DNAH11: variants seen among roughly 807,000 people sequenced by gnomAD.
DNAH11 encodes dynein axonemal heavy chain 11, also known as axonemal beta dynein heavy chain 11.
A neutral mutation model predicts 526.0 loss-of-function variants in DNAH11; 442 were observed. The observed-to-expected ratio is 0.84, with a 90% CI of 0.78 to 0.91. The LOEUF (loss-of-function observed/expected upper bound fraction) is 0.91, where lower values mean the gene tolerates loss of function less well. DNAH11 is among the 40% of genes least tolerant of loss of function. The probability of loss-of-function intolerance (pLI) is 0.00; values close to 1 mark genes in which losing one functional copy is unlikely to be tolerated. For missense variants in DNAH11, 6,989 were observed against 5,448.7 expected, an observed-to-expected ratio of 1.28 and a Z score of -8.90; for synonymous variants, 2,461 against 1,935.9, an observed-to-expected ratio of 1.27 and a Z score of -7.12.
intron 14 of DNAH11, 97 bp from the exon 15 acceptor site, chr7:21,599,690 T>G: frequency 1.1e-6 from 1 of 929,758 alleles, no homozygotes; most frequent in Non-Finnish European, 1.5e-6. Context: ...TGCACAACAA[T>G]GCAGTCTCTT....
intron 65 of DNAH11, among the ~76,000 whole-genome samples, chr7:21,831,021 C>T (rs573242601): frequency 1.5e-4 from 23 of 152,186 alleles, no homozygotes; most frequent in Non-Finnish European, 3.1e-4. Context: ...CAGCCCCGTG[C>T]CAGATTTGGA....
chr7:21,723,825 G>A (rs1784974848), intron 44 of DNAH11, among the ~76,000 whole-genome samples: 1 of 146,304 alleles, frequency 6.8e-6, no homozygotes, highest in Admixed American at 7.2e-5. Flanking sequence ...TGTACATGCT[G>A]GACTCTTCCT....
rs1785919163 is a variant in DNAH11 at position 21,741,957 on chromosome 7, C to T, written c.7945C>T (p.Pro2649Ser). The change falls in exon 49 of 82, where the codon CCA (proline) becomes TCA (serine). Residue 2649 changes from proline to serine, a missense_variant. Pro to Ser is a moderately conservative substitution (Grantham distance 74). Transcript: ENST00000409508. ...RHFTVFAFNF[P>S]SLDALNTIYG... ...TTTCACAGTGTTTGCATTCAATTTT[C>T]CATCTTTGGATGCACTAAACACCAT... 8 of 1,613,806 alleles carry T rather than the reference C, an allele frequency of 5.0e-6. No homozygotes were observed. Among genetic ancestry groups the T allele is most frequent in the Non-Finnish European group, 6.8e-6 (8 of 1,179,794 alleles).
intron 63 of DNAH11, among the ~76,000 whole-genome samples, chr7:21,811,170 T>C (rs1562560527): frequency 6.6e-6 from 1 of 152,098 alleles, no homozygotes; most frequent in Non-Finnish European, 1.5e-5. Context: ...TAACTGAAAT[T>C]AGCCAGTCAC....
At chr7:21,744,383 T>C in intron 49 of DNAH11, 55 bp from the exon 50 acceptor site, 1 of 1,573,006 alleles carries the variant, frequency 6.4e-7, no homozygotes, top group South Asian at 1.2e-5. Flanking sequence ...TTAAACTCAT[T>C]TGACATGTCA....
Position 21,548,363 on chromosome 7 carries a change from A to G in DNAH11, c.495+3214A>G, listed in dbSNP as rs6964412. Among the ~76,000 whole-genome samples the G allele has an allele frequency of 7.2e-3, 1,102 of 152,308 alleles. 16 individuals carry two copies. The highest frequency in any genetic ancestry group is 0.024 in the African/African-American group (1,018 of 41,554). On this transcript the variant is annotated intron_variant, in intron 2 of 81. Transcript: ENST00000409508. ...AACTGATGAATTTTTGTTGAATATA[A>G]TAGATATAGTTAATTTAATCCATGT... is the stretch of plus-strand genomic sequence containing the variant.
intron 45 of DNAH11, among the ~76,000 whole-genome samples, chr7:21,730,793 G>T (rs1785345657): frequency 6.6e-6 from 1 of 152,104 alleles, no homozygotes; most frequent in South Asian, 2.1e-4. Context: ...ATAACAATGT[G>T]TAGTATTTTT....
Position 21,816,583 on chromosome 7 carries a change from C to T in DNAH11, c.10449C>T (p.Ala3483=), listed in dbSNP as rs117000348. The T allele has an allele frequency of 5.2e-4, 832 of 1,613,486 alleles. 9 individuals carry two copies. In the East Asian group the frequency reaches 0.016, roughly 32 times the overall value. Residue 3483 remains alanine (A), a synonymous_variant, in exon 64 of 82, where the codon GCC becomes GCT. Transcript: ENST00000409508. ...LPSDRMSTEN[A]AILTHCERWP... ...GTGACAGAATGTCCACCGAAAATGC[C>T]GCTATCCTAACACACTGTGAGCGCT...
At chr7:21,834,042 G>T (rs1199062033) in intron 65 of DNAH11, among the ~76,000 whole-genome samples, 1 of 152,112 alleles carries the variant, frequency 6.6e-6, no homozygotes, top group Admixed American at 6.5e-5. Flanking sequence ...CAATAGCGCA[G>T]AATATATATT....
intron 31 of DNAH11, among the ~76,000 whole-genome samples, chr7:21,683,536 G>A (rs1454255542): frequency 6.6e-6 from 1 of 152,112 alleles, no homozygotes; most frequent in African/African-American, 2.4e-5. Flanking sequence ...CATAAAAGAG[G>A]AAAAAGCATT....
chr7:21,605,851 A>T (rs1785260147), intron 18 of DNAH11, among the ~76,000 whole-genome samples: 1 of 152,166 alleles, frequency 6.6e-6, no homozygotes, highest in South Asian at 2.1e-4. Context: ...TTTTAAAAAG[A>T]TTTCCATGGA....
Position 21,591,402 on chromosome 7 carries a change from AG to A in DNAH11, c.2493del (p.Asn833ThrfsTer2). 6.2e-7 allele frequency: 1 copy of A among 1,613,966 alleles called. No homozygotes were observed. Among genetic ancestry groups the A allele is most frequent in the East Asian group, 2.2e-5 (1 of 44,868 alleles). On this transcript the variant is annotated frameshift_variant, in exon 14 of 82. Transcript: ENST00000409508. LOFTEE classifies it high-confidence loss of function. The part of the protein sequence containing the change: ...SELEHRVERT[Q>X]KNVKVIQQTM... Reference sequence around the variant, plus strand: ...TTGGAGCACAGAGTTGAGCGCACACAGAAAAACGTGAAGGTGATCCAGCAGA... The same window carrying A: ...TTGGAGCACAGAGTTGAGCGCACACAAAAAACGTGAAGGTGATCCAGCAGA...
chr7:21,891,825 A>C (rs939079812), intron 76 of DNAH11, among the ~76,000 whole-genome samples: 5 of 152,148 alleles, frequency 3.3e-5, no homozygotes, highest in African/African-American at 1.2e-4. Context: ...GACTCTTAGT[A>C]TATATGGCCT....
At chr7:21,582,154 A>AG in intron 9 of DNAH11, 133 bp downstream of exon 9, 1 of 597,498 alleles carries the variant, frequency 1.7e-6, no homozygotes, top group Non-Finnish European at 2.9e-6. Flanking sequence ...AATTCAGCTC[A>AG]CTGAATAATA....
intron 54 of DNAH11, among the ~76,000 whole-genome samples, chr7:21,757,283 A>G (rs1358580510): frequency 2.0e-5 from 3 of 152,174 alleles, no homozygotes; most frequent in Non-Finnish European, 4.4e-5. Flanking sequence ...TTATTCATTT[A>G]TTTATTTATG....
At chr7:21,895,131 T>G (rs1019499208) in intron 79 of DNAH11, 132 bp downstream of exon 79, 2 of 725,000 alleles carry the variant, frequency 2.8e-6, no homozygotes, top group Non-Finnish European at 4.5e-6. Context: ...CGTAAAAAAT[T>G]CTTCCACCAA....
intron 37 of DNAH11, 56 bp from the exon 38 acceptor site, chr7:21,704,378 T>C: frequency 6.6e-7 from 1 of 1,511,488 alleles, no homozygotes; most frequent in Non-Finnish European, 9.0e-7. Flanking sequence ...TCTTTAGTTT[T>C]TTAGGTGTTT....
intron 51 of DNAH11, among the ~76,000 whole-genome samples, chr7:21,745,778 T>C (rs1321283085): frequency 6.6e-6 from 1 of 152,204 alleles, no homozygotes; most frequent in Admixed American, 6.5e-5. Flanking sequence ...GTTGATTCTG[T>C]GAGAAATACA....
intron 61 of DNAH11, among the ~76,000 whole-genome samples, chr7:21,793,745 A>T (rs573503858): frequency 3.2e-4 from 49 of 152,172 alleles, no homozygotes; most frequent in Non-Finnish European, 5.1e-4. Flanking sequence ...TGTCTGGATG[A>T]TCTGTCTGTT....
Sources: gnomAD v4.1 joint callset for allele counts (sites outside exome capture counted in the v4.1 genomes callset) on GRCh38, gnomAD v4.1.1 for gene constraint, MANE v1.5 for transcripts, NCBI Gene and HGNC (gene_info 2026-07-23, HGNC 2026-07-21) for gene names.